The following POLR3B variants were observed in gnomAD, a reference collection of about 807,000 sequenced individuals.
POLR3B encodes the protein DNA-directed RNA polymerase III subunit RPC2.
Under a neutral mutation model 147.4 loss-of-function variants are expected in POLR3B, and 96 were observed. The ratio of observed to expected loss-of-function variants is 0.65; its 90% CI spans 0.55 to 0.77. The LOEUF (loss-of-function observed/expected upper bound fraction) is 0.77, where lower values mean the gene tolerates loss of function less well. Ranked by LOEUF, POLR3B falls within the 30% of genes least tolerant of loss-of-function variation. POLR3B has a pLI of 0.00. For synonymous variants in POLR3B, 461 were observed against 485.9 expected (o/e 0.95, Z 0.67); for missense variants, 1,036 against 1,413.5 (o/e 0.73, Z 4.28).
chr12:106,466,375 T>C (rs2038006578), intron 23 of POLR3B, among the ~76,000 whole-genome samples: 1 of 152,222 alleles, frequency 6.6e-6, no homozygotes, highest in African/African-American at 2.4e-5. Context: ...ATGGATAGAT[T>C]GCAAAAATTT....
At chr12:106,419,975 A>G in intron 12 of POLR3B, among the ~76,000 whole-genome samples, 2 of 151,996 alleles carry the variant, frequency 1.3e-5, no homozygotes, top group East Asian at 1.9e-4. Flanking sequence ...TTTGTTTCAC[A>G]TGGTGTTGAT....
chr12:106,470,517 TGGA>T (rs1275185621), intron 23 of POLR3B, among the ~76,000 whole-genome samples: 2 of 152,198 alleles, frequency 1.3e-5, no homozygotes, highest in South Asian at 2.1e-4. Context: ...TGTGTTCCTT[TGGA>T]GGAGAAGAGG....
chr12:106,447,168 G>A (rs1342642741), intron 19 of POLR3B, among the ~76,000 whole-genome samples: 1 of 152,058 alleles, frequency 6.6e-6, no homozygotes, highest in Admixed American at 6.6e-5. Context: ...CATGTATAAC[G>A]TGCAAGATAG....
intron 9 of POLR3B, among the ~76,000 whole-genome samples, chr12:106,385,231 A>G (rs1017758053): frequency 1.3e-5 from 2 of 152,318 alleles, no homozygotes; most frequent in African/African-American, 4.8e-5. Flanking sequence ...TTTTTCCTGG[A>G]GCAATGGTTC....
intron 18 of POLR3B, among the ~76,000 whole-genome samples, chr12:106,439,249 C>A (rs1427519680): frequency 6.6e-6 from 1 of 152,134 alleles, no homozygotes; most frequent in Non-Finnish European, 1.5e-5. Context: ...CAGTGGCACA[C>A]ACCTGTAGTC....
intron 23 of POLR3B, among the ~76,000 whole-genome samples, chr12:106,472,539 T>C (rs1261727960): frequency 6.6e-6 from 1 of 151,154 alleles, no homozygotes; most frequent in Non-Finnish European, 1.5e-5. Context: ...TTCCTGACTT[T>C]TTAATGATTG....
At chr12:106,465,063 A>C (rs2037987089) in intron 23 of POLR3B, among the ~76,000 whole-genome samples, 1 of 152,214 alleles carries the variant, frequency 6.6e-6, no homozygotes, top group Non-Finnish European at 1.5e-5. Context: ...TTTTAAAAGT[A>C]TCTTGAGTTT....
chr12:106,484,765 A>T (rs757254558), intron 23 of POLR3B, among the ~76,000 whole-genome samples: 6 of 152,182 alleles, frequency 3.9e-5, no homozygotes, highest in Non-Finnish European at 8.8e-5. Flanking sequence ...CACGAAGGAT[A>T]CAAAGGAGCC....
In POLR3B at chr12:106,463,406, A is replaced by G. The variant is rs566967390; in HGVS notation, c.2571-72A>G. 7.2e-4 allele frequency: 966 copies of G among 1,347,978 alleles called. 1 individual carries two copies. Among genetic ancestry groups the G allele is most frequent in the Non-Finnish European group, 9.8e-4 (920 of 942,596 alleles). 83.5% of individuals were successfully genotyped at this position (1,347,978 alleles called of 1,614,324 possible). On this transcript the variant is annotated intron_variant, in intron 22 of 27. Transcript: ENST00000228347. ...TACTCTATGGTAGGCATGAAATGAAATATAACATGGGTGAGAAGTTCACAA... is the reference window on the plus strand; with the variant it reads ...TACTCTATGGTAGGCATGAAATGAAGTATAACATGGGTGAGAAGTTCACAA...
intron 23 of POLR3B, among the ~76,000 whole-genome samples, chr12:106,491,400 G>A (rs769324204): frequency 1.4e-4 from 22 of 152,132 alleles, no homozygotes; most frequent in Non-Finnish European, 2.8e-4. Context: ...ATTTTTTACA[G>A]ACGGCATTTC....
rs560534445 is a variant in POLR3B, at chr12:106,378,089, A to AAAAAT, written c.497-158_497-154dup. On this transcript the variant is annotated intron_variant, in intron 7 of 27. Coordinates refer to ENST00000228347, the MANE Select transcript of POLR3B (RefSeq NM_018082.6). ...GGCGACAAAGGGAGATCCTTTCTCA[A>AAAAAT]AAAATAAAATAAAATAAAATAAAAA... 2.0e-4 allele frequency among the ~76,000 whole-genome samples: 31 copies of AAAAAT among 152,336 alleles called. No homozygotes were observed. In the East Asian group the frequency reaches 4.2e-3, roughly 21 times the overall value.
chr12:106,362,238 G>A (rs762005300), intron 1 of POLR3B, among the ~76,000 whole-genome samples: 6 of 152,110 alleles, frequency 3.9e-5, no homozygotes, highest in South Asian at 2.1e-4. Flanking sequence ...TGTCTGTGGC[G>A]GAAGGGTTAG....
At chr12:106,449,441 G>A (rs1463007090) in intron 19 of POLR3B, among the ~76,000 whole-genome samples, 1 of 152,130 alleles carries the variant, frequency 6.6e-6, no homozygotes, top group Non-Finnish European at 1.5e-5. Flanking sequence ...TTGAAAATCT[G>A]TGTATAACTT....
At chr12:106,391,403 G>A (rs1484670469) in intron 9 of POLR3B, among the ~76,000 whole-genome samples, 1 of 152,126 alleles carries the variant, frequency 6.6e-6, no homozygotes, top group Non-Finnish European at 1.5e-5. Context: ...GCCTGCACTT[G>A]GGGTGGGGAA....
intron 19 of POLR3B, among the ~76,000 whole-genome samples, chr12:106,446,545 G>C (rs1162102268): frequency 6.6e-6 from 1 of 152,034 alleles, no homozygotes; most frequent in African/African-American, 2.4e-5. Context: ...AGTGTCTGTA[G>C]AGTTCTTTTG....
chr12:106,424,271 A>T (rs1264437637), intron 12 of POLR3B, among the ~76,000 whole-genome samples: 1 of 152,126 alleles, frequency 6.6e-6, no homozygotes, highest in African/African-American at 2.4e-5. Flanking sequence ...AGTTTTTGGG[A>T]CTAGAACACT....
intron 1 of POLR3B, among the ~76,000 whole-genome samples, chr12:106,361,058 G>C (rs957915936): frequency 1.3e-5 from 2 of 152,148 alleles, no homozygotes; most frequent in African/African-American, 2.4e-5. Flanking sequence ...TGTATGCCTC[G>C]CTGTGGAGTT....
intron 14 of POLR3B, 55 bp downstream of exon 14, chr12:106,430,528 C>A: frequency 7.0e-7 from 1 of 1,422,866 alleles, no homozygotes; most frequent in Non-Finnish European, 9.9e-7. Context: ...TATGTCTGTG[C>A]ATGGGGTGGG....
chr12:106,471,972 A>G (rs1175921945), intron 23 of POLR3B, among the ~76,000 whole-genome samples: 3 of 145,962 alleles, frequency 2.1e-5, no homozygotes, highest in East Asian at 2.0e-4. Flanking sequence ...CTAACTCGTC[A>G]TCTAGCATTA....
Sources: gnomAD v4.1 joint callset for allele counts (sites outside exome capture counted in the v4.1 genomes callset) on GRCh38, gnomAD v4.1.1 for gene constraint, MANE v1.5 for transcripts, NCBI Gene and HGNC (gene_info 2026-07-23, HGNC 2026-07-21) for gene names.